Variants in CDH18 observed in about 807,000 individuals in gnomAD.
CDH18 encodes the protein cadherin-18.
In CDH18, 31 loss-of-function variants were observed where a neutral mutation model predicts 67.9. The observed-to-expected ratio is 0.46, with a 90% confidence interval of 0.34 to 0.62. CDH18 has a LOEUF of 0.62. Ranked by LOEUF, CDH18 falls within the 20% of genes least tolerant of loss-of-function variation. CDH18 has a pLI of 0.01. For missense variants in CDH18, 890 were observed against 975.5 expected, an observed-to-expected ratio of 0.91 and a Z score of 1.17; for synonymous variants, 362 against 347.2, an observed-to-expected ratio of 1.04 and a Z score of -0.48.
intron 5 of CDH18, among the ~76,000 whole-genome samples, chr5:19,699,089 A>G (rs1762891375): frequency 6.6e-6 from 1 of 152,112 alleles, no homozygotes; most frequent in African/African-American, 2.4e-5. Flanking sequence ...CCTTGTGTAC[A>G]TTTCTAATTC....
chr5:19,679,111 G>A (rs1759900281), intron 5 of CDH18, among the ~76,000 whole-genome samples: 1 of 151,948 alleles, frequency 6.6e-6, no homozygotes, highest in Non-Finnish European at 1.5e-5. Context: ...CAATCAAGTA[G>A]GCTTTACCTC....
chr5:20,212,448 G>A lies in CDH18; in HGVS notation c.-518+42996C>T, dbSNP rs562101118. On this transcript the variant is annotated intron_variant, in intron 2 of 14. Transcript: ENST00000507958. ...AGAGAATGCCACAAAGATACTCCTCGAGAAGAGCAACCCCAAGACACATAA... is the reference window on the plus strand; with the variant it reads ...AGAGAATGCCACAAAGATACTCCTCAAGAAGAGCAACCCCAAGACACATAA... 8.5e-5 allele frequency among the ~76,000 whole-genome samples: 13 copies of A among 152,092 alleles called. No homozygotes were observed. The South Asian group carries it at 1.9e-3, about 22-fold the overall frequency.
At chr5:19,474,614 A>C (rs1275158454) in intron 12 of CDH18, among the ~76,000 whole-genome samples, 1 of 152,136 alleles carries the variant, frequency 6.6e-6, no homozygotes, top group Non-Finnish European at 1.5e-5. Flanking sequence ...CCAAGATCAA[A>C]AGATAAGATC....
At chr5:20,231,639 A>C (rs1293108606) in intron 2 of CDH18, among the ~76,000 whole-genome samples, 2 of 151,824 alleles carry the variant, frequency 1.3e-5, no homozygotes, top group Non-Finnish European at 2.9e-5. Context: ...AAGAAAGGAA[A>C]AGAAAAGAAA....
chr5:20,185,954 A>G (rs1738066994), intron 2 of CDH18, among the ~76,000 whole-genome samples: 1 of 152,010 alleles, frequency 6.6e-6, no homozygotes, highest in Non-Finnish European at 1.5e-5. Context: ...AAGAGAATGA[A>G]TGAAGTAATG....
At position 20,153,158 on chromosome 5, in the gene CDH18, T is replaced by C. The variant is rs112512638; in HGVS notation, c.-518+102286A>G. The stretch of plus-strand genomic sequence containing the variant: ...GGGGTTTCACTGCGTTAGCCAGGAT[T>C]GTCTCGATCTCCTGACCTTGTGATC... On this transcript the variant is annotated intron_variant, in intron 2 of 14. Coordinates refer to the CDH18 transcript ENST00000507958. 4.2e-3 allele frequency among the ~76,000 whole-genome samples: 631 copies of C among 151,898 alleles called. 7 individuals carry two copies. The highest frequency in any genetic ancestry group is 0.015 in the African/African-American group (609 of 41,482).
chr5:19,714,728 C>G (rs886704967), intron 5 of CDH18, among the ~76,000 whole-genome samples: 2 of 134,194 alleles, frequency 1.5e-5, no homozygotes, highest in Admixed American at 1.5e-4. Flanking sequence ...TACAGCAGGT[C>G]CTCAAATTAT....
intron 7 of CDH18, among the ~76,000 whole-genome samples, chr5:19,586,007 A>G (rs1744081316): frequency 6.6e-6 from 1 of 152,122 alleles, no homozygotes; most frequent in African/African-American, 2.4e-5. Context: ...TTCTTTAGCT[A>G]TAAAGCGGGG....
chr5:19,993,679 AT>A (rs1800108582), intron 2 of CDH18, among the ~76,000 whole-genome samples: 1 of 152,078 alleles, frequency 6.6e-6, no homozygotes, highest in African/African-American at 2.4e-5. Flanking sequence ...ATACCTCTAT[AT>A]ATCTTTTCTG....
chr5:20,004,140 T>C (rs1222073743), intron 2 of CDH18, among the ~76,000 whole-genome samples: 1 of 152,198 alleles, frequency 6.6e-6, no homozygotes, highest in Non-Finnish European at 1.5e-5. Flanking sequence ...CATTTAGTTT[T>C]CTAACTCATC....
At chr5:19,815,804 G>GT (rs1325867046) in intron 3 of CDH18, among the ~76,000 whole-genome samples, 1 of 151,816 alleles carries the variant, frequency 6.6e-6, no homozygotes, top group Admixed American at 6.6e-5. Context: ...TAGTTTCTCA[G>GT]TTTTTTTATT....
intron 2 of CDH18, among the ~76,000 whole-genome samples, chr5:20,133,262 A>G (rs1158440746): frequency 1.3e-5 from 2 of 152,248 alleles, no homozygotes; most frequent in African/African-American, 2.4e-5. Context: ...ACAGTTCCAC[A>G]TGGTTGGGGA....
At position 19,619,484 on chromosome 5, in the gene CDH18, T is replaced by C. The variant is rs143132273; in HGVS notation, c.644-6883A>G. On this transcript the variant is annotated intron_variant, in intron 5 of 12. Transcript: ENST00000382275. ...TTGCATGGAGAAAGCAGGGTATTCA[T>C]GGAAAGGGCACTTGACATGAACCCA... Among the ~76,000 whole-genome samples, 14 of 152,236 alleles carry C rather than the reference T, an allele frequency of 9.2e-5. No homozygotes were observed. The East Asian group carries it at 2.5e-3, about 27-fold the overall frequency.
chr5:19,605,474 T>C (rs1747882122), intron 6 of CDH18, among the ~76,000 whole-genome samples: 3 of 152,002 alleles, frequency 2.0e-5, no homozygotes, highest in African/African-American at 7.2e-5. Flanking sequence ...TTAGAGTTCA[T>C]CCTTTCAATT....
chr5:20,065,096 C>A (rs1160990638), intron 2 of CDH18, among the ~76,000 whole-genome samples: 2 of 151,896 alleles, frequency 1.3e-5, no homozygotes, highest in Non-Finnish European at 2.9e-5. Context: ...CAGCTTTCAT[C>A]AGAGTGTTAG....
chr5:19,867,042 T>C (rs754465300), intron 2 of CDH18, among the ~76,000 whole-genome samples: 9 of 152,082 alleles, frequency 5.9e-5, no homozygotes, highest in Non-Finnish European at 1.0e-4. Flanking sequence ...TGAGCTGAGA[T>C]TGCGCCACTG....
Position 20,135,850 on chromosome 5 carries a change from C to A in CDH18, c.-518+119594G>T, listed in dbSNP as rs897356066. 6.6e-4 allele frequency among the ~76,000 whole-genome samples: 100 copies of A among 152,122 alleles called. 2 individuals carry two copies. The highest frequency in any genetic ancestry group is 3.2e-4 in the Non-Finnish European group (22 of 68,032). On this transcript the variant is annotated intron_variant, in intron 2 of 14. Transcript: ENST00000507958. Reference sequence around the variant, plus strand: ...ATTTCTGCCTTCATTTCATTATGTACGTAGTAATCATTCAGGAGCAAGTTG... The same window carrying A: ...ATTTCTGCCTTCATTTCATTATGTAAGTAGTAATCATTCAGGAGCAAGTTG...
intron 1 of CDH18, among the ~76,000 whole-genome samples, chr5:20,432,509 C>A (rs1017770935): frequency 6.6e-6 from 1 of 151,944 alleles, no homozygotes; most frequent in Non-Finnish European, 1.5e-5. Flanking sequence ...GCTTAGATAA[C>A]AGGAATGCTT....
chr5:20,102,214 CAGTGTGTGTG>C (rs2150578008), intron 2 of CDH18, among the ~76,000 whole-genome samples: 1 of 80,282 alleles, frequency 1.2e-5, no homozygotes, highest in East Asian at 4.0e-4. Context: ...GTGTTATGTG[CAGTGTGTGTG>C]TGTGTGTGTG....
Sources: gnomAD v4.1 joint callset for allele counts (sites outside exome capture counted in the v4.1 genomes callset) on GRCh38, gnomAD v4.1.1 for gene constraint, MANE v1.5 for transcripts, NCBI Gene and HGNC (gene_info 2026-07-23, HGNC 2026-07-21) for gene names.